The following SUGCT variants were observed in gnomAD, a reference collection of about 807,000 sequenced individuals.
SUGCT encodes succinyl-CoA:glutarate-CoA transferase.
A neutral mutation model predicts 55.0 loss-of-function variants in SUGCT; 41 were observed. The observed-to-expected ratio is 0.74, with a 90% CI of 0.58 to 0.97. SUGCT has a LOEUF of 0.97. Among genes scored for constraint, SUGCT ranks in the 50% least tolerant of loss-of-function variants. The probability of loss-of-function intolerance (pLI) is 0.00; values close to 1 mark genes in which losing one functional copy is unlikely to be tolerated. For synonymous variants in SUGCT, 187 were observed against 200.4 expected (o/e 0.93, Z 0.56); for missense variants, 568 against 547.8 (o/e 1.04, Z -0.37).
chr7:40,352,667 T>C (rs1412690214), intron 9 of SUGCT, among the ~76,000 whole-genome samples: 1 of 152,204 alleles, frequency 6.6e-6, no homozygotes, highest in African/African-American at 2.4e-5. Context: ...CCATGCTTTA[T>C]CCAGTCTACC....
At chr7:40,905,257 A>C in the SUGCT span, among the ~76,000 whole-genome samples, 2 of 152,216 alleles carry the variant, frequency 1.3e-5, no homozygotes, top group African/African-American at 4.8e-5. Flanking sequence ...GGTTGTGAGA[A>C]GACGATTCTG....
chr7:40,513,591 G>A (rs1340082858), intron 12 of SUGCT, among the ~76,000 whole-genome samples: 1 of 152,108 alleles, frequency 6.6e-6, no homozygotes. Flanking sequence ...CTCTTGTACA[G>A]GAGCAAACAC....
intron 9 of SUGCT, among the ~76,000 whole-genome samples, chr7:40,334,927 G>A (rs1796591826): frequency 6.6e-6 from 1 of 152,162 alleles, no homozygotes; most frequent in Non-Finnish European, 1.5e-5. Context: ...ATTAATTTTT[G>A]TATAAGGCGT....
intron 8 of SUGCT, among the ~76,000 whole-genome samples, chr7:40,308,515 T>G (rs1172626762): frequency 6.6e-6 from 1 of 152,162 alleles, no homozygotes; most frequent in East Asian, 1.9e-4. Flanking sequence ...CCTATGACAC[T>G]TAGAATAATA....
At chr7:40,425,170 T>C (rs1787525396) in intron 9 of SUGCT, among the ~76,000 whole-genome samples, 1 of 152,156 alleles carries the variant, frequency 6.6e-6, no homozygotes, top group Non-Finnish European at 1.5e-5. Flanking sequence ...GGAGCCACAG[T>C]TTAAATATTG....
the SUGCT span, among the ~76,000 whole-genome samples, chr7:40,953,801 A>G: frequency 2.0e-5 from 3 of 152,232 alleles, no homozygotes; most frequent in African/African-American, 7.2e-5. Flanking sequence ...CTGCCTGATC[A>G]TTCCTCTGGA....
In SUGCT at chr7:40,330,826, G is replaced by T. The variant is rs185073238; in HGVS notation, c.816+13971G>T. Reference sequence around the variant, plus strand: ...ATTTTCTTTTGTTCAAATAATTAAGGTCACCATAGTAATTACTTCTAAGCT... The same window carrying T: ...ATTTTCTTTTGTTCAAATAATTAAGTTCACCATAGTAATTACTTCTAAGCT... On this transcript the variant is annotated intron_variant, in intron 9 of 13. Coordinates refer to ENST00000335693, the MANE Select transcript of SUGCT (RefSeq NM_001193313.2). Among the ~76,000 whole-genome samples the T allele has an allele frequency of 1.2e-3, 186 of 152,126 alleles. No individual in the cohort carries two copies. The Middle Eastern group carries it at 0.017, about 14-fold the overall frequency.
chr7:40,924,905 C>T, the SUGCT span, among the ~76,000 whole-genome samples: 1 of 152,180 alleles, frequency 6.6e-6, no homozygotes, highest in Non-Finnish European at 1.5e-5. Flanking sequence ...AACTATAGCA[C>T]ATTTATTTTT....
chr7:40,902,925 C>T, the SUGCT span, among the ~76,000 whole-genome samples: 2 of 152,176 alleles, frequency 1.3e-5, no homozygotes, highest in Admixed American at 1.3e-4. Context: ...TGAATTTAAT[C>T]CTCTCCTGTT....
At chr7:40,249,218 G>A (rs1790138083) in intron 7 of SUGCT, among the ~76,000 whole-genome samples, 1 of 149,814 alleles carries the variant, frequency 6.7e-6, no homozygotes, top group African/African-American at 2.5e-5. Context: ...CTTGAGCCCA[G>A]GAGATAGAGG....
chr7:40,562,580 G>C (rs986067235), intron 12 of SUGCT, among the ~76,000 whole-genome samples: 4 of 152,146 alleles, frequency 2.6e-5, no homozygotes, highest in African/African-American at 9.7e-5. Context: ...GACAGAAATT[G>C]ATCAGTGTGG....
chr7:40,980,062 G>C, the SUGCT span: 1 of 152,222 alleles, frequency 6.6e-6, no homozygotes. Flanking sequence ...GACCAATTTT[G>C]TTCCCCAGTG....
At chr7:40,497,202 A>G (rs866438448) in intron 12 of SUGCT, among the ~76,000 whole-genome samples, 3 of 152,138 alleles carry the variant, frequency 2.0e-5, no homozygotes, top group South Asian at 2.1e-4. Context: ...ACCATGGGGT[A>G]TATTTTCTTG....
intron 6 of SUGCT, among the ~76,000 whole-genome samples, chr7:40,211,692 A>C (rs901599648): frequency 6.6e-6 from 1 of 152,222 alleles, no homozygotes; most frequent in Non-Finnish European, 1.5e-5. Flanking sequence ...GGTGGAGAGA[A>C]AGCGGGACAA....
intron 12 of SUGCT, among the ~76,000 whole-genome samples, chr7:40,678,633 T>C (rs1784109241): frequency 6.6e-6 from 1 of 152,140 alleles, no homozygotes; most frequent in Non-Finnish European, 1.5e-5. Flanking sequence ...AAAATTCCAC[T>C]ATAATAACAT....
At chr7:40,283,251 C>T (rs187700812) in intron 8 of SUGCT, among the ~76,000 whole-genome samples, 51 of 149,754 alleles carry the variant, frequency 3.4e-4, no homozygotes, top group Admixed American at 6.0e-4. Flanking sequence ...TTTTTTGAGA[C>T]GGAGTCTTGC....
intron 9 of SUGCT, among the ~76,000 whole-genome samples, chr7:40,377,208 C>CTTTTT (rs371555042): frequency 1.8e-4 from 1 of 5,442 alleles, no homozygotes; most frequent in African/African-American, 3.6e-4. Flanking sequence ...CTTTTCTTTT[C>CTTTTT]TTTTCTTTCT....
At chr7:40,516,722 T>C (rs1179435649) in intron 12 of SUGCT, among the ~76,000 whole-genome samples, 2 of 152,152 alleles carry the variant, frequency 1.3e-5, no homozygotes, top group African/African-American at 4.8e-5. Context: ...TCTGTCTTGA[T>C]TACTGTAGCT....
At chr7:40,900,813 A>G in the SUGCT span, among the ~76,000 whole-genome samples, 36 of 152,352 alleles carry the variant, frequency 2.4e-4, no homozygotes, top group African/African-American at 8.7e-4. Context: ...TGGAAGAAGA[A>G]TGGCACATCA....
Sources: gnomAD v4.1 joint callset for allele counts (sites outside exome capture counted in the v4.1 genomes callset) on GRCh38, gnomAD v4.1.1 for gene constraint, MANE v1.5 for transcripts, NCBI Gene and HGNC (gene_info 2026-07-23, HGNC 2026-07-21) for gene names.